GABRA1: variants seen among roughly 807,000 people sequenced by gnomAD.
GABRA1 encodes gamma-aminobutyric acid receptor subunit alpha-1.
In GABRA1, 9 loss-of-function variants were observed where a neutral mutation model predicts 48.9. The ratio of observed to expected loss-of-function variants is 0.18; its 90% CI spans 0.11 to 0.32. GABRA1 has a LOEUF of 0.32. Among genes scored for constraint, GABRA1 ranks in the 10% least tolerant of loss-of-function variants. The probability of loss-of-function intolerance (pLI) is 1.00; values close to 1 mark genes in which losing one functional copy is unlikely to be tolerated. For missense variants in GABRA1, 285 were observed against 553.8 expected (o/e 0.51, Z 4.87); for synonymous variants, 210 against 198.7 (o/e 1.06, Z -0.48).
At chr5:161,882,761 A>G (rs1754672365) in intron 7 of GABRA1, 60 bp downstream of exon 7, 6 of 1,495,348 alleles carry the variant, frequency 4.0e-6, no homozygotes, top group Non-Finnish European at 5.6e-6. Flanking sequence ...TTTTGTGAGA[A>G]CTCAATGAAT....
At chr5:161,856,579 C>A (rs201605967) in intron 3 of GABRA1, among the ~76,000 whole-genome samples, 2 of 151,194 alleles carry the variant, frequency 1.3e-5, no homozygotes, top group African/African-American at 4.8e-5. Context: ...AATATTTTCT[C>A]TATTTTTATT....
intron 4 of GABRA1, chr5:161,872,246 G>A (rs1444671980): frequency 1.3e-5 from 2 of 152,444 alleles, no homozygotes; most frequent in East Asian, 1.9e-4. Context: ...AAGAAAGATG[G>A]ATATTACCCT....
At chr5:161,858,838 T>C (rs766794338) in intron 3 of GABRA1, among the ~76,000 whole-genome samples, 24 of 151,764 alleles carry the variant, frequency 1.6e-4, no homozygotes, top group Admixed American at 5.9e-4. Context: ...GAATCAGTCT[T>C]CAACTTAATA....
chr5:161,848,825 T>TA lies in GABRA1; in HGVS notation c.-16+403_-16+404insA, dbSNP rs879249501. The TA allele has an allele frequency of 4.7e-4, 160 of 337,538 alleles. 1 individual carries two copies. In the East Asian group the frequency reaches 7.5e-3, roughly 16 times the overall value. 20.9% of individuals were successfully genotyped at this position (337,538 alleles called of 1,614,324 possible). On this transcript the variant is annotated intron_variant, in intron 1 of 9. Coordinates refer to ENST00000393943, the MANE Select transcript of GABRA1 (RefSeq NM_001127644.2). ...AGCTGGGGTGAGTTGGGGAGGGGCG[T>TA]CGGGGGCCATCATCTAAAGTTAAGA...
At chr5:161,865,927 A>C in intron 4 of GABRA1, 139 bp downstream of exon 4, 2 of 655,940 alleles carry the variant, frequency 3.0e-6, no homozygotes, top group Non-Finnish European at 5.4e-6. Flanking sequence ...TGTAATATGT[A>C]ATATGTAATA....
At chr5:161,854,401 T>C (rs1757566779) in intron 3 of GABRA1, 131 bp downstream of exon 3, 1 of 695,370 alleles carries the variant, frequency 1.4e-6, no homozygotes, top group Non-Finnish European at 2.6e-6. Flanking sequence ...CTATTTTTAA[T>C]GGATCACTCT....
intron 4 of GABRA1, among the ~76,000 whole-genome samples, chr5:161,871,041 G>A (rs1312437323): frequency 6.6e-6 from 1 of 150,628 alleles, no homozygotes; most frequent in Non-Finnish European, 1.5e-5. Flanking sequence ...TGAATTTGGG[G>A]ATTCCATTGT....
At chr5:161,865,106 G>A (rs1242035841) in intron 3 of GABRA1, among the ~76,000 whole-genome samples, 1 of 151,986 alleles carries the variant, frequency 6.6e-6, no homozygotes, top group Non-Finnish European at 1.5e-5. Context: ...AAAATCACAT[G>A]GAATGTGAAA....
At chr5:161,857,233 A>G (rs1030446170) in intron 3 of GABRA1, among the ~76,000 whole-genome samples, 1 of 151,342 alleles carries the variant, frequency 6.6e-6, no homozygotes, top group Non-Finnish European at 1.5e-5. Context: ...GTCTTTTTTT[A>G]TATAAAAGTA....
intron 7 of GABRA1, among the ~76,000 whole-genome samples, chr5:161,890,403 C>A (rs1229966686): frequency 6.6e-6 from 1 of 152,094 alleles, no homozygotes; most frequent in African/African-American, 2.4e-5. Context: ...CTAAATTACT[C>A]TTCTGATGTC....
chr5:161,889,853 T>A (rs1179682273), intron 7 of GABRA1, among the ~76,000 whole-genome samples: 1 of 151,926 alleles, frequency 6.6e-6, no homozygotes, highest in Non-Finnish European at 1.5e-5. Flanking sequence ...TCAATAGTGC[T>A]GAGGTTGAGA....
At chr5:161,889,562 G>A (rs1456133609) in intron 7 of GABRA1, among the ~76,000 whole-genome samples, 2 of 152,104 alleles carry the variant, frequency 1.3e-5, no homozygotes, top group South Asian at 2.1e-4. Context: ...TTCAGCTGCA[G>A]AAGATAGGTA....
chr5:161,895,908 G>A (rs1755344258), intron 9 of GABRA1, 40 bp downstream of exon 9: 1 of 1,524,520 alleles, frequency 6.6e-7, no homozygotes, highest in South Asian at 1.1e-5. Flanking sequence ...TCAATATTAT[G>A]TCTCTTTAAA....
intron 3 of GABRA1, among the ~76,000 whole-genome samples, chr5:161,857,044 T>G (rs1004331730): frequency 1.3e-5 from 2 of 151,158 alleles, no homozygotes; most frequent in South Asian, 4.1e-4. Context: ...CCTCCCTTTT[T>G]ACTTTTTTTT....
At position 161,897,485 on chromosome 5, in the gene GABRA1, C is replaced by T; in HGVS notation, c.*63C>T. On this transcript the variant is annotated 3_prime_UTR_variant, in exon 10 of 10. Transcript: ENST00000393943. Reference sequence around the variant, plus strand: ...TGGGAATTTATTTATGTTCTCAACGCAGTAATTCCCATCTGCTTTATTGCC... The same window carrying T: ...TGGGAATTTATTTATGTTCTCAACGTAGTAATTCCCATCTGCTTTATTGCC... The T allele has an allele frequency of 7.2e-7, 1 of 1,379,824 alleles. No homozygotes were observed. The allele number at this position is 1,379,824 out of a possible 1,614,324, so 85.5% of individuals were successfully genotyped here. A position where few individuals can be genotyped will look rare whatever the true frequency, so the allele number is the denominator to read the frequency against.
chr5:161,863,199 T>C (rs893918913), intron 3 of GABRA1, among the ~76,000 whole-genome samples: 1 of 151,660 alleles, frequency 6.6e-6, no homozygotes, highest in Non-Finnish European at 1.5e-5. Flanking sequence ...TATGTAAAAG[T>C]GAGGATGTGG....
intron 3 of GABRA1, among the ~76,000 whole-genome samples, chr5:161,857,254 G>A (rs1757685670): frequency 6.6e-6 from 1 of 151,088 alleles, no homozygotes; most frequent in African/African-American, 2.4e-5. Flanking sequence ...ACAACATTAT[G>A]CAAAAAACGG....
At chr5:161,865,881 TGAA>T in intron 4 of GABRA1, 93 bp downstream of exon 4, 1 of 968,526 alleles carries the variant, frequency 1.0e-6, no homozygotes, top group East Asian at 2.5e-5. Flanking sequence ...GGGAGCAACC[TGAA>T]AAGTCTTGGC....
chr5:161,889,366 T>A (rs1237230993), intron 7 of GABRA1, among the ~76,000 whole-genome samples: 1 of 152,090 alleles, frequency 6.6e-6, no homozygotes, highest in Admixed American at 6.6e-5. Context: ...TAGACAAGAA[T>A]ACTAAGGGTA....
Sources: gnomAD v4.1 joint callset for allele counts (sites outside exome capture counted in the v4.1 genomes callset) on GRCh38, gnomAD v4.1.1 for gene constraint, MANE v1.5 for transcripts, NCBI Gene and HGNC (gene_info 2026-07-23, HGNC 2026-07-21) for gene names.